The following CCDC33 variants were observed in gnomAD, a reference collection of about 807,000 sequenced individuals.
The protein encoded by CCDC33 is coiled-coil domain-containing protein 33.
In CCDC33, 94 loss-of-function variants were observed where a neutral mutation model predicts 91.9. The observed-to-expected ratio is 1.02, with a 90% CI of 0.87 to 1.21. CCDC33 has a LOEUF of 1.21. Among genes scored for constraint, CCDC33 ranks in the 50% most tolerant of loss-of-function variants. The probability of loss-of-function intolerance (pLI) is 0.00; values close to 1 mark genes in which losing one functional copy is unlikely to be tolerated. For synonymous variants in CCDC33, 396 were observed against 374.5 expected (o/e 1.06, Z -0.66); for missense variants, 940 against 935.5 (o/e 1.00, Z -0.06).
chr15:74,268,495 G>T, intron 5 of CCDC33, 37 bp downstream of exon 5: 5 of 1,412,814 alleles, frequency 3.5e-6, no homozygotes, highest in African/African-American at 1.4e-5. Context: ...GGTGGTGGGG[G>T]TGGGAAAGGG....
chr15:74,271,669 G>A, intron 5 of CCDC33, 34 bp from the exon 6 acceptor site: 1 of 1,552,790 alleles, frequency 6.4e-7, no homozygotes. Context: ...AAGGCCACAT[G>A]GTGTTCACCT....
Position 74,330,341 on chromosome 15 carries a change from G to A in CCDC33, c.1443G>A (p.Glu481=). The change falls in exon 12 of 19, where the codon GAG becomes GAA. Residue 481 remains glutamate, a synonymous_variant. Transcript: ENST00000398814. ...AAGAGGGGCAGGGCAAAGCCAGTGA[G>A]GCCCAGAACACGGGTGAGGATGTGC... ...EEEEGQGKAS[E]AQNTVSMKQK... 6.3e-7 allele frequency: 1 copy of A among 1,599,386 alleles called. No individual in the cohort carries two copies. Among genetic ancestry groups the A allele is most frequent in the Non-Finnish European group, 8.5e-7 (1 of 1,173,736 alleles).
chr15:74,208,059 G>T lies in CCDC33; in HGVS notation n.90-1329G>T, dbSNP rs1028612105. 4 of 1,284,390 alleles carry T rather than the reference G, an allele frequency of 3.1e-6. No homozygotes were observed. The African/African-American group carries it at 4.5e-5, about 14-fold the overall frequency. The allele number at this position is 1,284,390 out of a possible 1,614,324, so 79.6% of individuals were successfully genotyped here. Reference sequence around the variant, plus strand: ...CCAACAGCATCATCATAACATAAAGGATTTAGACCAGGCTGTTCTGGTATG... The same window carrying T: ...CCAACAGCATCATCATAACATAAAGTATTTAGACCAGGCTGTTCTGGTATG... On this transcript the variant is annotated intron_variant and non_coding_transcript_variant, in intron 1 of 3. Transcript: ENST00000558645.
At chr15:74,269,405 T>C (rs142796422) in intron 5 of CCDC33, among the ~76,000 whole-genome samples, 60 of 152,218 alleles carry the variant, frequency 3.9e-4, no homozygotes, top group African/African-American at 1.3e-3. Flanking sequence ...AAGGGGAGTA[T>C]GGTATGGGAG....
rs369465644 is a variant in CCDC33, at chr15:74,280,759, G to A, written c.981G>A (p.Gly327=). 20 of 1,575,038 alleles carry A rather than the reference G, an allele frequency of 1.3e-5. No homozygotes were observed. The highest frequency in any genetic ancestry group is 1.7e-5 in the Non-Finnish European group (20 of 1,160,292). The part of the protein sequence containing the change: ...KSRLYQKMLT[G]KGLDGLHVER... ...GTTTGTACCAGAAGATGCTGACAGG[G>A]AAAGGCTTGGACGGGCTTCACGTGG... is the stretch of plus-strand genomic sequence containing the variant. Residue 327 remains glycine (G), a synonymous_variant, in exon 9 of 19, where the codon GGG becomes GGA. Coordinates refer to ENST00000398814, the MANE Select transcript of CCDC33 (RefSeq NM_025055.5).
At chr15:74,279,885 C>T (rs1241827619) in intron 7 of CCDC33, 78 bp from the exon 8 acceptor site, 10 of 1,541,964 alleles carry the variant, frequency 6.5e-6, no homozygotes, top group Middle Eastern at 4.0e-4. Context: ...TCTAGATACA[C>T]AAAACCAAAT....
chr15:74,305,951 T>C (rs2059886434), intron 11 of CCDC33, among the ~76,000 whole-genome samples: 2 of 152,204 alleles, frequency 1.3e-5, no homozygotes, highest in Admixed American at 6.5e-5. Flanking sequence ...CTTGAGGCTT[T>C]TCAGAGGACT....
At chr15:74,217,662 C>G (rs1424658358) in intron 1 of CCDC33, 2 of 1,069,830 alleles carry the variant, frequency 1.9e-6, no homozygotes, top group African/African-American at 3.3e-5. Flanking sequence ...CCCAGAGAGC[C>G]TCAGGAGAAC....
At position 74,236,372 on chromosome 15, in the gene CCDC33, C is replaced by T. The variant is rs2075155211; in HGVS notation, c.-348C>T. ...GAGACAGGGCCCCCCTGCCCCATCT[C>T]TCCACCGTCCTAGGTGTGCCAAGAG... On this transcript the variant is annotated 5_prime_UTR_variant, in exon 1 of 19. Transcript: ENST00000398814. 1 of 282,364 alleles carries T rather than the reference C, an allele frequency of 3.5e-6. No individual in the cohort carries two copies. Among genetic ancestry groups the T allele is most frequent in the Non-Finnish European group, 6.6e-6 (1 of 151,200 alleles). The allele number at this position is 282,364 out of a possible 1,614,324, so 17.5% of individuals were successfully genotyped here. A position where few individuals can be genotyped will look rare whatever the true frequency, so the allele number is the denominator to read the frequency against.
At chr15:74,238,158 G>T (rs1009425349) in intron 1 of CCDC33, among the ~76,000 whole-genome samples, 3 of 151,690 alleles carry the variant, frequency 2.0e-5, no homozygotes, top group African/African-American at 7.3e-5. Context: ...CAGGCCTGGT[G>T]TCTCACTCCT....
chr15:74,268,488 G>C (rs1357967533), intron 5 of CCDC33, 30 bp downstream of exon 5: 5 of 1,402,362 alleles, frequency 3.6e-6, no homozygotes, highest in African/African-American at 2.1e-5. Flanking sequence ...CTGGGGTGGT[G>C]GTGGGGGTGG....
At chr15:74,333,298 G>C (rs772053396) in intron 16 of CCDC33, 1 of 1,595,440 alleles carries the variant, frequency 6.3e-7, no homozygotes, top group Non-Finnish European at 8.5e-7. Context: ...GCCACTCAGA[G>C]TGCACAGAGA....
At chr15:74,264,576 C>G (rs1050277827) in intron 3 of CCDC33, among the ~76,000 whole-genome samples, 19 of 152,148 alleles carry the variant, frequency 1.2e-4, no homozygotes, top group African/African-American at 2.9e-4. Context: ...GACTCTTGGT[C>G]CATGGCGAGT....
At chr15:74,272,982 G>A in intron 7 of CCDC33, 91 bp downstream of exon 7, 1 of 1,516,926 alleles carries the variant, frequency 6.6e-7, no homozygotes, top group Non-Finnish European at 9.1e-7. Context: ...CAGTTCCCTT[G>A]ACTATCGAGT....
At chr15:74,291,610 A>AGGGCGGGGCGAGAGGC (rs1041209248) in intron 10 of CCDC33, among the ~76,000 whole-genome samples, 5 of 152,244 alleles carry the variant, frequency 3.3e-5, no homozygotes, top group Non-Finnish European at 7.3e-5. Flanking sequence ...AAGAAGGCTC[A>AGGGCGGGGCGAGAGGC]GGGCGGGGCG....
At chr15:74,289,605 T>A (rs1000366951) in intron 10 of CCDC33, among the ~76,000 whole-genome samples, 1 of 152,124 alleles carries the variant, frequency 6.6e-6, no homozygotes, top group African/African-American at 2.4e-5. Flanking sequence ...TCCTAGCTAC[T>A]TGGGGGCGTT....
rs774493456 is a variant in CCDC33, at chr15:74,336,101, G to A, written c.*48G>A. ...CTGTGTGCTGGGGAGTCTCATCACCGCCCCCTAAAAATGACGTTATTAAAT... is the reference window on the plus strand; with the variant it reads ...CTGTGTGCTGGGGAGTCTCATCACCACCCCCTAAAAATGACGTTATTAAAT... On this transcript the variant is annotated 3_prime_UTR_variant, in exon 19 of 19. Coordinates refer to ENST00000398814, the MANE Select transcript of CCDC33 (RefSeq NM_025055.5). 42 of 1,596,030 alleles carry A rather than the reference G, an allele frequency of 2.6e-5. No individual in the cohort carries two copies. Among genetic ancestry groups the A allele is most frequent in the Admixed American group, 6.9e-5 (4 of 57,604 alleles).
intron 1 of CCDC33, chr15:74,208,733 G>A (rs2074318633): frequency 1.0e-6 from 1 of 987,934 alleles, no homozygotes; most frequent in South Asian, 4.7e-5. Flanking sequence ...CACACCCCAT[G>A]TGCCTTCTCG....
At chr15:74,268,017 C>T (rs1314650450) in intron 4 of CCDC33, among the ~76,000 whole-genome samples, 1 of 152,206 alleles carries the variant, frequency 6.6e-6, no homozygotes, top group Non-Finnish European at 1.5e-5. Context: ...GGAGACTCAG[C>T]ACTTGAGCTG....
Sources: gnomAD v4.1 joint callset for allele counts (sites outside exome capture counted in the v4.1 genomes callset) on GRCh38, gnomAD v4.1.1 for gene constraint, MANE v1.5 for transcripts, NCBI Gene and HGNC (gene_info 2026-07-23, HGNC 2026-07-21) for gene names.